DHCR24: variants seen among roughly 807,000 people sequenced by gnomAD.
The protein encoded by DHCR24 is 24-dehydrocholesterol reductase.
A neutral mutation model predicts 61.2 loss-of-function variants in DHCR24; 28 were observed. The observed-to-expected ratio is 0.46, with a 90% CI of 0.34 to 0.63. The LOEUF is 0.63. Among genes scored for constraint, DHCR24 ranks in the 20% least tolerant of loss-of-function variants. DHCR24 has a pLI of 0.01. For missense variants in DHCR24, 538 were observed against 679.1 expected (o/e 0.79, Z 2.31); for synonymous variants, 261 against 275.9 (o/e 0.95, Z 0.54).
At chr1:54,863,633 G>C (rs1646950759) in intron 6 of DHCR24, among the ~76,000 whole-genome samples, 1 of 152,192 alleles carries the variant, frequency 6.6e-6, no homozygotes, top group Admixed American at 6.5e-5. Flanking sequence ...AAACAAAGGG[G>C]CTTGGACTTG....
At chr1:54,872,586 C>G (rs887577612) in intron 4 of DHCR24, among the ~76,000 whole-genome samples, 9 of 152,118 alleles carry the variant, frequency 5.9e-5, no homozygotes, top group African/African-American at 1.4e-4. Flanking sequence ...CCCCTTGGGC[C>G]CACAGCTAAT....
intron 2 of DHCR24, among the ~76,000 whole-genome samples, chr1:54,877,471 T>C (rs1268180943): frequency 2.6e-5 from 4 of 151,536 alleles, no homozygotes; most frequent in Admixed American, 1.3e-4. Flanking sequence ...GCAGTGGACA[T>C]AAACAATTAA....
At chr1:54,868,940 G>A (rs560042370) in intron 5 of DHCR24, among the ~76,000 whole-genome samples, 11 of 152,204 alleles carry the variant, frequency 7.2e-5, no homozygotes, top group African/African-American at 2.2e-4. Context: ...AGTGGCATGC[G>A]CCTGTATTCC....
chr1:54,886,930 G>C lies in DHCR24; in HGVS notation c.190C>G (p.Pro64Ala), dbSNP rs765752809. 6.2e-7 allele frequency: 1 copy of C among 1,613,318 alleles called. No homozygotes were observed. Among genetic ancestry groups the C allele is most frequent in the Non-Finnish European group, 8.5e-7 (1 of 1,179,650 alleles). The part of the protein sequence containing the change: ...AWVVFKLSSA[P>A]RLHEQRVRDI... ...CGCACGCGCTGCTCGTGCAGGCGCG[G>C]AGCGCTGCTGAGCTTGAACACCACC... is the stretch of plus-strand genomic sequence containing the variant. The change falls in exon 1 of 9, where the codon CCG becomes GCG. Residue 64 changes from proline to alanine, a missense_variant. Physicochemically the swap from Pro to Ala is conservative, Grantham distance 27. Coordinates refer to ENST00000371269, the MANE Select transcript of DHCR24 (RefSeq NM_014762.4).
intron 4 of DHCR24, 63 bp from the exon 5 acceptor site, chr1:54,871,676 C>A: frequency 6.2e-7 from 1 of 1,609,666 alleles, no homozygotes; most frequent in South Asian, 1.1e-5. Flanking sequence ...GGCATGCAGT[C>A]AGTGGGGGAG....
At chr1:54,874,366 T>C (rs918658169) in intron 4 of DHCR24, among the ~76,000 whole-genome samples, 2 of 152,204 alleles carry the variant, frequency 1.3e-5, no homozygotes, top group African/African-American at 4.8e-5. Context: ...TTTTATACTG[T>C]ATTTTTACTG....
chr1:54,867,789 C>T (rs932325280), intron 5 of DHCR24, among the ~76,000 whole-genome samples: 6 of 152,140 alleles, frequency 3.9e-5, no homozygotes, highest in East Asian at 1.9e-4. Flanking sequence ...GAGCTTTGGC[C>T]TCAGGCAGAT....
intron 6 of DHCR24, among the ~76,000 whole-genome samples, chr1:54,857,363 A>T (rs1369246233): frequency 6.6e-6 from 1 of 152,260 alleles, no homozygotes; most frequent in African/African-American, 2.4e-5. Context: ...GTCCTGGGGC[A>T]ATGGCCTTCT....
Position 54,867,751 on chromosome 1 carries a change from A to C in DHCR24, c.877-2305T>G, listed in dbSNP as rs181627062. ...CTGGTCTAGATGTCCTTGCTAGGTG[A>C]CTTGGTGCTAGGTGACACACACTGT... is the stretch of plus-strand genomic sequence containing the variant. On this transcript the variant is annotated intron_variant, in intron 5 of 8. Coordinates refer to ENST00000371269, the MANE Select transcript of DHCR24 (RefSeq NM_014762.4). 2.1e-3 allele frequency among the ~76,000 whole-genome samples: 319 copies of C among 152,180 alleles called. 2 individuals are homozygous for C. The highest frequency in any genetic ancestry group is 7.3e-3 in the African/African-American group (304 of 41,512).
At chr1:54,858,343 C>T (rs1398493471) in intron 6 of DHCR24, among the ~76,000 whole-genome samples, 1 of 152,220 alleles carries the variant, frequency 6.6e-6, no homozygotes, top group African/African-American at 2.4e-5. Flanking sequence ...CATCTTACCC[C>T]AGGGCTGCCT....
chr1:54,869,992 T>C (rs1646988977), intron 5 of DHCR24, among the ~76,000 whole-genome samples: 1 of 151,524 alleles, frequency 6.6e-6, no homozygotes, highest in African/African-American at 2.4e-5. Context: ...GAGACAGAGG[T>C]TGCAGTGAGC....
At chr1:54,854,505 T>C (rs1367142167) in intron 6 of DHCR24, among the ~76,000 whole-genome samples, 1 of 152,172 alleles carries the variant, frequency 6.6e-6, no homozygotes, top group Non-Finnish European at 1.5e-5. Context: ...AAATGGGCCT[T>C]GTGAGGATAA....
At chr1:54,877,775 C>G (rs1483823448) in intron 2 of DHCR24, among the ~76,000 whole-genome samples, 1 of 151,774 alleles carries the variant, frequency 6.6e-6, no homozygotes, top group Non-Finnish European at 1.5e-5. Flanking sequence ...CTTTGGGAGA[C>G]CGAGGTGGGT....
At chr1:54,878,400 G>A (rs1456206134) in intron 2 of DHCR24, among the ~76,000 whole-genome samples, 1 of 150,136 alleles carries the variant, frequency 6.7e-6, no homozygotes, top group East Asian at 2.0e-4. Context: ...TGTAATCCCA[G>A]CTACTCAGGA....
chr1:54,873,204 T>C (rs1046606221), intron 4 of DHCR24, among the ~76,000 whole-genome samples: 1 of 152,212 alleles, frequency 6.6e-6, no homozygotes, highest in Non-Finnish European at 1.5e-5. Flanking sequence ...CTCATAAGAT[T>C]ATAATGGAGC....
At chr1:54,860,230 T>C (rs184141384) in intron 6 of DHCR24, among the ~76,000 whole-genome samples, 22 of 152,372 alleles carry the variant, frequency 1.4e-4, no homozygotes, top group African/African-American at 5.3e-4. Context: ...GCCAGATGCC[T>C]TGTTACTGTG....
intron 6 of DHCR24, among the ~76,000 whole-genome samples, chr1:54,863,868 C>G (rs954511259): frequency 6.6e-6 from 1 of 151,966 alleles, no homozygotes; most frequent in Non-Finnish European, 1.5e-5. Flanking sequence ...GACAAATGAC[C>G]AAATTTTAAA....
chr1:54,859,196 G>T (rs13373956), intron 6 of DHCR24, among the ~76,000 whole-genome samples: 11,229 of 152,138 alleles, frequency 0.074, 517 homozygotes, highest in Admixed American at 0.13. Context: ...CATGTGGCAA[G>T]GAGGTAAGGT....
At position 54,883,963 on chromosome 1, in the gene DHCR24, C is replaced by T. The variant is rs974811426; in HGVS notation, c.232-190G>A. Reference sequence around the variant, plus strand: ...CCAGCAAGGCTGACAGAAAAGCCAACATATTGCTACACCACAAGGCAGAAT... The same window carrying T: ...CCAGCAAGGCTGACAGAAAAGCCAATATATTGCTACACCACAAGGCAGAAT... On this transcript the variant is annotated intron_variant, in intron 1 of 8. Coordinates refer to ENST00000371269, the MANE Select transcript of DHCR24 (RefSeq NM_014762.4). This position sits in a 1 kb window ranked among gnomAD's most constrained non-coding sequence, Gnocchi z 4.3. Among the ~76,000 whole-genome samples, 4 of 152,232 alleles carry T rather than the reference C, an allele frequency of 2.6e-5. No homozygotes were observed. The highest frequency in any genetic ancestry group is 4.4e-5 in the Non-Finnish European group (3 of 68,042).
Sources: allele counts gnomAD v4.1 joint callset (sites outside exome capture counted in the v4.1 genomes callset), GRCh38; gene constraint gnomAD v4.1.1; non-coding constraint Gnocchi (gnomAD v3.1); transcripts MANE v1.5; gene names NCBI Gene and HGNC (gene_info 2026-07-23, HGNC 2026-07-21).